The following BAZ1B variants were observed in gnomAD, a reference collection of about 807,000 sequenced individuals.
BAZ1B encodes tyrosine-protein kinase BAZ1B.
A neutral mutation model predicts 153.8 loss-of-function variants in BAZ1B; 22 were observed. The ratio of observed to expected loss-of-function variants is 0.14; its 90% CI spans 0.10 to 0.20. The LOEUF is 0.20. Ranked by LOEUF, BAZ1B falls within the 10% of genes least tolerant of loss-of-function variation. BAZ1B has a pLI of 1.00. For missense variants in BAZ1B, 1,325 were observed against 1,799.3 expected, an observed-to-expected ratio of 0.74 and a Z score of 4.77; for synonymous variants, 676 against 633.4, an observed-to-expected ratio of 1.07 and a Z score of -1.01.
At chr7:73,520,962 A>C (rs368566501) in intron 1 of BAZ1B, among the ~76,000 whole-genome samples, 2 of 152,264 alleles carry the variant, frequency 1.3e-5, no homozygotes, top group East Asian at 3.9e-4. Context: ...ATTAAAAAAA[A>C]GCAAATAAAA....
Position 73,442,176 on chromosome 7 carries a change from C to CT in BAZ1B, c.*15+4dup. On this transcript the variant is annotated splice_donor_region_variant and intron_variant, in intron 19 of 19. Coordinates refer to ENST00000339594, the MANE Select transcript of BAZ1B (RefSeq NM_032408.4). ...CTAGCTGTCCCCCCACCTCAGCTCC[C>CT]TTACCACGGCCCTGCCTCTCTACTT... 1.3e-6 allele frequency: 2 copies of CT among 1,554,690 alleles called. No homozygotes were observed. Among genetic ancestry groups the CT allele is most frequent in the South Asian group, 2.3e-5 (2 of 85,290 alleles).
intron 3 of BAZ1B, among the ~76,000 whole-genome samples, chr7:73,507,964 G>A (rs1272615569): frequency 1.3e-5 from 2 of 152,068 alleles, no homozygotes; most frequent in African/African-American, 4.8e-5. Flanking sequence ...AGACCAGCCT[G>A]GCCAAAATGG....
chr7:73,453,534 G>A (rs946990553), intron 13 of BAZ1B, among the ~76,000 whole-genome samples: 1 of 152,214 alleles, frequency 6.6e-6, no homozygotes, highest in African/African-American at 2.4e-5. Context: ...TCAAGAAAGA[G>A]ACTCTTCTGT....
intron 13 of BAZ1B, among the ~76,000 whole-genome samples, chr7:73,456,331 T>C (rs954098636): frequency 1.3e-5 from 2 of 152,236 alleles, no homozygotes; most frequent in African/African-American, 2.4e-5. Flanking sequence ...AATGAAATGC[T>C]TGTATGCAAA....
intron 12 of BAZ1B, among the ~76,000 whole-genome samples, chr7:73,461,184 C>T (rs1788384886): frequency 6.6e-6 from 1 of 152,150 alleles, no homozygotes; most frequent in Non-Finnish European, 1.5e-5. Flanking sequence ...CTATGCTGGT[C>T]AGACTGGTCT....
At chr7:73,494,125 T>G (rs1789776322) in intron 4 of BAZ1B, among the ~76,000 whole-genome samples, 1 of 152,082 alleles carries the variant, frequency 6.6e-6, no homozygotes, top group South Asian at 2.1e-4. Flanking sequence ...CTCGTGCCTG[T>G]AATCCCAGCA....
intron 6 of BAZ1B, among the ~76,000 whole-genome samples, chr7:73,483,998 T>C (rs1789298419): frequency 6.6e-6 from 1 of 152,144 alleles, no homozygotes; most frequent in Non-Finnish European, 1.5e-5. Context: ...CCGGGTGTGG[T>C]GGCTCATGCC....
intron 15 of BAZ1B, among the ~76,000 whole-genome samples, chr7:73,448,172 C>T (rs1036326695): frequency 9.9e-5 from 15 of 152,058 alleles, no homozygotes; most frequent in African/African-American, 3.1e-4. Flanking sequence ...GGTGTGGTGG[C>T]GCATGCTTGT....
At chr7:73,469,868 T>C (rs933931361) in intron 8 of BAZ1B, among the ~76,000 whole-genome samples, 3 of 152,176 alleles carry the variant, frequency 2.0e-5, no homozygotes. Flanking sequence ...TCGTAATTTG[T>C]ATAATTTCTT....
chr7:73,474,892 C>T (rs539548667), intron 7 of BAZ1B, among the ~76,000 whole-genome samples: 1 of 152,146 alleles, frequency 6.6e-6, no homozygotes, highest in Non-Finnish European at 1.5e-5. Context: ...CAATAATAAT[C>T]AGATAACTCA....
At chr7:73,506,019 A>C (rs901859744) in intron 3 of BAZ1B, among the ~76,000 whole-genome samples, 3 of 152,208 alleles carry the variant, frequency 2.0e-5, no homozygotes, top group South Asian at 2.1e-4. Flanking sequence ...TTCCGTGCAA[A>C]TTCTGCAAGA....
At position 73,442,646 on chromosome 7, in the gene BAZ1B, G is replaced by A. The variant is rs1241817599; in HGVS notation, c.4094+79C>T. 1.9e-6 allele frequency: 3 copies of A among 1,553,326 alleles called. No homozygotes were observed. In the Admixed American group the frequency reaches 5.8e-5, roughly 30 times the overall value. On this transcript the variant is annotated intron_variant, in intron 18 of 19. Coordinates refer to ENST00000339594, the MANE Select transcript of BAZ1B (RefSeq NM_032408.4). ...TCCTGAAAAGCAAGGGCTTGGCTGAGAGCCCCTCAGGGGCTCTGGAAGCTT... is the reference window on the plus strand; with the variant it reads ...TCCTGAAAAGCAAGGGCTTGGCTGAAAGCCCCTCAGGGGCTCTGGAAGCTT...
intron 6 of BAZ1B, among the ~76,000 whole-genome samples, chr7:73,482,667 A>G (rs1267295605): frequency 2.0e-5 from 3 of 152,118 alleles, no homozygotes; most frequent in Non-Finnish European, 4.4e-5. Context: ...GGTTCTTTAA[A>G]CTTCTTCCAC....
chr7:73,520,634 T>C (rs578051944), intron 1 of BAZ1B, among the ~76,000 whole-genome samples: 1 of 152,296 alleles, frequency 6.6e-6, no homozygotes, highest in African/African-American at 2.4e-5. Context: ...GGACTGATTT[T>C]CCAGGCCCCT....
At chr7:73,518,599 TG>T (rs1554579699) in intron 1 of BAZ1B, among the ~76,000 whole-genome samples, 1 of 151,586 alleles carries the variant, frequency 6.6e-6, no homozygotes, top group African/African-American at 2.4e-5. Flanking sequence ...CCAGCTACTC[TG>T]GAGGCTGAGG....
chr7:73,488,445 T>A (rs892847080), intron 6 of BAZ1B, among the ~76,000 whole-genome samples: 4 of 152,084 alleles, frequency 2.6e-5, no homozygotes, highest in African/African-American at 7.2e-5. Flanking sequence ...AAATTACTCC[T>A]TCTCGGCCAG....
chr7:73,472,814 T>C (rs1371265808), intron 7 of BAZ1B, among the ~76,000 whole-genome samples: 2 of 151,700 alleles, frequency 1.3e-5, no homozygotes, highest in Non-Finnish European at 2.9e-5. Context: ...TGGAGTGCAG[T>C]GGTGTGATCT....
chr7:73,503,673 C>T (rs1404044455), intron 3 of BAZ1B, among the ~76,000 whole-genome samples: 2 of 152,194 alleles, frequency 1.3e-5, no homozygotes, highest in African/African-American at 4.8e-5. Flanking sequence ...TTGGGTTCAG[C>T]CCATCTTTCC....
intron 6 of BAZ1B, among the ~76,000 whole-genome samples, chr7:73,487,702 CA>C (rs1789464109): frequency 2.6e-5 from 4 of 152,138 alleles, no homozygotes; most frequent in Admixed American, 2.6e-4. Context: ...ATCATGGTTC[CA>C]AACTCTGTGG....
Sources: gnomAD v4.1 joint callset for allele counts (sites outside exome capture counted in the v4.1 genomes callset) on GRCh38, gnomAD v4.1.1 for gene constraint, MANE v1.5 for transcripts, NCBI Gene and HGNC (gene_info 2026-07-23, HGNC 2026-07-21) for gene names.